Variants in ANO7 observed in about 807,000 individuals in gnomAD.
ANO7 encodes the protein anoctamin 7, also known as anoctamin-7.
ANO7 carries 114 observed loss-of-function variants against 115.8 expected under a neutral mutation model. That is an observed-to-expected ratio of 0.98 (90% confidence interval 0.85 to 1.15). ANO7 has a LOEUF of 1.15. Among genes scored for constraint, ANO7 ranks in the 50% most tolerant of loss-of-function variants. ANO7 has a pLI of 0.00. For missense variants in ANO7, 1,302 were observed against 1,201.2 expected (o/e 1.08, Z -1.24); for synonymous variants, 550 against 498.2 (o/e 1.10, Z -1.38).
intron 22 of ANO7, 128 bp from the exon 23 acceptor site, chr2:241,223,533 CT>C (rs1002613590): frequency 3.7e-5 from 53 of 1,450,640 alleles, no homozygotes; most frequent in South Asian, 2.4e-4. Flanking sequence ...TCTGGGGTTC[CT>C]TTTCCTGCAC....
chr2:241,234,911 T>G, the ANO7 span, among the ~76,000 whole-genome samples: 1 of 152,194 alleles, frequency 6.6e-6, no homozygotes, highest in East Asian at 1.9e-4. Context: ...ACTTTGTCAC[T>G]TTTTTATGAA....
At chr2:241,218,423 G>A in intron 21 of ANO7, 42 bp downstream of exon 21, 4 of 1,273,714 alleles carry the variant, frequency 3.1e-6, no homozygotes, top group Non-Finnish European at 4.0e-6. Context: ...GGCGCACGAG[G>A]ACGAGGCGGA....
Position 241,195,712 on chromosome 2 carries a change from TCCTCGTTTGGGAGGAGGAC to T in ANO7, c.178_196del (p.Leu60Ter). The stretch of plus-strand genomic sequence containing the variant: ...CCCTGTTGGCTCCCAGCAGACTTCG[TCCTCGTTTGGGAGGAGGAC>T]CTGAAGCTAGACAGGCAGCAGGACA... On this transcript the variant is annotated frameshift_variant, in exon 4 of 25. Coordinates refer to ENST00000674324, the MANE Select transcript of ANO7 (RefSeq NM_001370694.2). LOFTEE classifies it high-confidence loss of function. The T allele has an allele frequency of 1.2e-6, 2 of 1,614,162 alleles. No homozygotes were observed. The highest frequency in any genetic ancestry group is 1.7e-6 in the Non-Finnish European group (2 of 1,180,034).
At chr2:241,236,905 G>A in the ANO7 span, 3 of 782,060 alleles carry the variant, frequency 3.8e-6, no homozygotes, top group Non-Finnish European at 4.0e-6. Flanking sequence ...CTGTCCTTCA[G>A]GAGGTCTTGG....
the ANO7 span, chr2:241,234,089 T>C: frequency 1.9e-6 from 2 of 1,077,032 alleles, no homozygotes; most frequent in African/African-American, 3.1e-5. Context: ...TGGTCCGGAA[T>C]GGTCCGCCAT....
At chr2:241,235,281 C>T in the ANO7 span, 14 of 1,613,840 alleles carry the variant, frequency 8.7e-6, no homozygotes, top group East Asian at 6.7e-5. Context: ...GCTGACTTGA[C>T]GTTCAGGACC....
At chr2:241,213,859 A>G (rs1355651624) in intron 17 of ANO7, among the ~76,000 whole-genome samples, 1 of 152,198 alleles carries the variant, frequency 6.6e-6, no homozygotes, top group African/African-American at 2.4e-5. Flanking sequence ...GGTGGTGTCC[A>G]TTTCATGTGA....
chr2:241,211,422 C>T (rs1272279938), intron 15 of ANO7, among the ~76,000 whole-genome samples: 2 of 152,234 alleles, frequency 1.3e-5, no homozygotes, highest in Admixed American at 6.5e-5. Flanking sequence ...CTGCTCTAGC[C>T]CTGGGGGTGA....
chr2:241,235,323 G>A, the ANO7 span: 1 of 1,604,574 alleles, frequency 6.2e-7, no homozygotes, highest in Middle Eastern at 1.7e-4. Context: ...ATTGGCCCTG[G>A]GACCCAGAAG....
At position 241,218,323 on chromosome 2, in the gene ANO7, A is replaced by C; in HGVS notation, c.2263A>C (p.Asn755His). Residue 755 changes from asparagine to histidine, a missense_variant, in exon 21 of 25, where the codon AAC becomes CAC. Physicochemically the swap from Asn to His is moderately conservative, Grantham distance 68. Coordinates refer to ENST00000674324, the MANE Select transcript of ANO7 (RefSeq NM_001370694.2). Reference sequence around the variant, plus strand: ...CGCCCACGACCTGCGCGGCTTCCTCAACTTCACGCTGGCGCGAGCCCCGTC... The same window carrying C: ...CGCCCACGACCTGCGCGGCTTCCTCCACTTCACGCTGGCGCGAGCCCCGTC... Reference protein sequence around the residue: ...TRAHDLRGFLNFTLARAPSSF... With the variant: ...TRAHDLRGFLHFTLARAPSSF... 1 of 1,520,086 alleles carries C rather than the reference A, an allele frequency of 6.6e-7. No homozygotes were observed. The highest frequency in any genetic ancestry group is 8.8e-7 in the Non-Finnish European group (1 of 1,141,030). The allele number at this position is 1,520,086 out of a possible 1,614,324, so 94.2% of individuals were successfully genotyped here.
At chr2:241,232,275 CTT>C in the ANO7 span, among the ~76,000 whole-genome samples, 18 of 143,382 alleles carry the variant, frequency 1.3e-4, no homozygotes, top group Admixed American at 1.4e-4. Flanking sequence ...TAAACAATGA[CTT>C]TTTTTTTTTT....
At chr2:241,217,387 G>A (rs1185408901) in intron 19 of ANO7, among the ~76,000 whole-genome samples, 2 of 152,258 alleles carry the variant, frequency 1.3e-5, no homozygotes, top group Non-Finnish European at 2.9e-5. Context: ...TGTAAAATCA[G>A]GAGCAGGTTT....
chr2:241,203,554 G>T lies in ANO7; in HGVS notation c.889+56G>T, dbSNP rs1231583819. 8 of 1,333,696 alleles carry T rather than the reference G, an allele frequency of 6.0e-6. No individual in the cohort carries two copies. The African/African-American group carries it at 1.1e-4, about 18-fold the overall frequency. The allele number at this position is 1,333,696 out of a possible 1,614,324, so 82.6% of individuals were successfully genotyped here. A position where few individuals can be genotyped will look rare whatever the true frequency, so the allele number is the denominator to read the frequency against. On this transcript the variant is annotated intron_variant, in intron 9 of 24. Transcript: ENST00000674324. The surrounding 1 kb of genome is among the most constrained non-coding windows in gnomAD (Gnocchi z 4.8). ...CTGGGCCCCCCCAGCTTGGTGTCAGGTTGTAACAATTTGCCAGTCCGTACC... is the reference window on the plus strand; with the variant it reads ...CTGGGCCCCCCCAGCTTGGTGTCAGTTTGTAACAATTTGCCAGTCCGTACC...
the ANO7 span, chr2:241,236,549 G>A: frequency 7.2e-5 from 110 of 1,536,232 alleles, 2 homozygotes; most frequent in South Asian, 4.1e-4. Context: ...TCCAGGCCAC[G>A]CGTCTCCCCA....
chr2:241,235,672 C>G, the ANO7 span: 1 of 988,170 alleles, frequency 1.0e-6, no homozygotes, highest in Admixed American at 1.9e-5. Flanking sequence ...TGGGGCTCCA[C>G]GAAACACAAG....
downstream of ANO7, chr2:241,230,712 C>T (rs1485716781): frequency 3.9e-6 from 6 of 1,555,032 alleles, no homozygotes; most frequent in South Asian, 3.4e-5. The surrounding 1 kb of genome is among the most constrained non-coding windows in gnomAD (Gnocchi z 5.0). Flanking sequence ...AGCCAGGTGC[C>T]CCCGGTGAGA....
At chr2:241,236,945 C>G in the ANO7 span, among the ~76,000 whole-genome samples, 1 of 149,158 alleles carries the variant, frequency 6.7e-6, no homozygotes, top group Non-Finnish European at 1.5e-5. Flanking sequence ...TAGGACGTCC[C>G]CACAGCAGCC....
At chr2:241,229,313 GCTGA>G (rs2069438527), downstream of ANO7, 5 of 354,660 alleles carry the variant, frequency 1.4e-5, no homozygotes, top group Non-Finnish European at 2.1e-5. Context: ...AGGCCAGAGT[GCTGA>G]CTGACATGCC....
At chr2:241,209,459 C>T (rs775598388) in intron 12 of ANO7, 31 bp downstream of exon 12, 6 of 1,599,078 alleles carry the variant, frequency 3.8e-6, no homozygotes, top group South Asian at 3.3e-5. Context: ...CACGGTCACA[C>T]CCGGCGAGGG....
Sources: allele counts gnomAD v4.1 joint callset (sites outside exome capture counted in the v4.1 genomes callset), GRCh38; gene constraint gnomAD v4.1.1; non-coding constraint Gnocchi (gnomAD v3.1); transcripts MANE v1.5; gene names NCBI Gene and HGNC (gene_info 2026-07-23, HGNC 2026-07-21).